HDAC4: variants seen among roughly 807,000 people sequenced by gnomAD.
The protein encoded by HDAC4 is histone deacetylase A.
A neutral mutation model predicts 135.1 loss-of-function variants in HDAC4; 16 were observed. The observed-to-expected ratio is 0.12, with a 90% CI of 0.08 to 0.18. The LOEUF (loss-of-function observed/expected upper bound fraction) is 0.18, where lower values mean the gene tolerates loss of function less well. Among genes scored for constraint, HDAC4 ranks in the 10% least tolerant of loss-of-function variants. The pLI is 1.00. For missense variants in HDAC4, 1,143 were observed against 1,511.8 expected, an observed-to-expected ratio of 0.76 and a Z score of 4.05; for synonymous variants, 685 against 653.4, an observed-to-expected ratio of 1.05 and a Z score of -0.74.
chr2:239,063,437 C>T (rs1459850035), intron 24 of HDAC4, among the ~76,000 whole-genome samples: 4 of 152,166 alleles, frequency 2.6e-5, no homozygotes, highest in African/African-American at 9.7e-5. Flanking sequence ...ATCTCCTGAC[C>T]TCGTGATCCG....
chr2:239,112,197 G>A (rs956458948), intron 13 of HDAC4, among the ~76,000 whole-genome samples: 1 of 152,172 alleles, frequency 6.6e-6, no homozygotes, highest in African/African-American at 2.4e-5. Flanking sequence ...GATATGCGAA[G>A]GCCATGTAGA....
chr2:239,120,630 G>A (rs1238943913), intron 12 of HDAC4, among the ~76,000 whole-genome samples: 1 of 148,814 alleles, frequency 6.7e-6, no homozygotes, highest in Non-Finnish European at 1.5e-5. Flanking sequence ...AGGGAAATAG[G>A]GGGAGGGGTG....
chr2:239,137,471 C>A (rs559786603), intron 9 of HDAC4, among the ~76,000 whole-genome samples: 1 of 151,618 alleles, frequency 6.6e-6, no homozygotes, highest in East Asian at 1.9e-4. Flanking sequence ...GGAGGAGGTG[C>A]CGGCACTCTG....
At chr2:239,249,018 G>A (rs145108300) in intron 2 of HDAC4, among the ~76,000 whole-genome samples, 3 of 152,362 alleles carry the variant, frequency 2.0e-5, no homozygotes, top group Admixed American at 6.5e-5. Context: ...GTGGGATCAC[G>A]TGCTGGAATA....
At chr2:239,265,116 T>C (rs1416738925) in intron 2 of HDAC4, among the ~76,000 whole-genome samples, 1 of 152,118 alleles carries the variant, frequency 6.6e-6, no homozygotes, top group Non-Finnish European at 1.5e-5. Context: ...CCCACCTCCC[T>C]TGAACCACTG....
intron 3 of HDAC4, among the ~76,000 whole-genome samples, chr2:239,227,776 T>A (rs376673758): frequency 2.0e-5 from 3 of 152,170 alleles, no homozygotes; most frequent in Non-Finnish European, 4.4e-5. Context: ...AGAAGGGCCC[T>A]CTGAAGGCAA....
At chr2:239,344,618 T>A (rs1398795784) in intron 2 of HDAC4, among the ~76,000 whole-genome samples, 1 of 152,124 alleles carries the variant, frequency 6.6e-6, no homozygotes, top group African/African-American at 2.4e-5. Context: ...TCCCAGATAA[T>A]GATGGCATGG....
chr2:239,187,614 C>T (rs1373509832), intron 4 of HDAC4, among the ~76,000 whole-genome samples: 1 of 152,188 alleles, frequency 6.6e-6, no homozygotes, highest in African/African-American at 2.4e-5. Flanking sequence ...TGGTCAGGGC[C>T]GTGAGGGAGG....
intron 4 of HDAC4, among the ~76,000 whole-genome samples, chr2:239,186,098 C>T (rs1219419216): frequency 6.6e-6 from 1 of 152,074 alleles, no homozygotes; most frequent in Admixed American, 6.5e-5. Flanking sequence ...CTGGGATCCG[C>T]TTCTTGGTGG....
At chr2:239,247,663 T>C (rs1019867462) in intron 2 of HDAC4, among the ~76,000 whole-genome samples, 5 of 152,142 alleles carry the variant, frequency 3.3e-5, no homozygotes, top group Non-Finnish European at 7.4e-5. Flanking sequence ...TAAAGGTGCT[T>C]GTGGTTAGGT....
At chr2:239,229,462 A>G (rs150493214) in intron 3 of HDAC4, among the ~76,000 whole-genome samples, 2 of 152,350 alleles carry the variant, frequency 1.3e-5, no homozygotes, top group African/African-American at 4.8e-5. Flanking sequence ...AGATTTTTCA[A>G]ATGTTGACGA....
At chr2:239,187,861 G>A (rs10187686) in intron 4 of HDAC4, among the ~76,000 whole-genome samples, 10,735 of 152,242 alleles carry the variant, frequency 0.071, 1,014 homozygotes, top group African/African-American at 0.22. Flanking sequence ...TGTTACACAC[G>A]GCTGCTAGGT....
At position 239,064,694 on chromosome 2, in the gene HDAC4, G is replaced by A. The variant is rs865975681; in HGVS notation, c.3003+2028C>T. On this transcript the variant is annotated intron_variant, in intron 24 of 26. Transcript: ENST00000543185. ...GCAACCTGCTTCCCAGGGACAGACG[G>A]CAGAGGTGGTGGAGGTGGGAACTGG... Among the ~76,000 whole-genome samples the A allele has an allele frequency of 5.9e-5, 9 of 152,368 alleles. No individual in the cohort carries two copies. In the Middle Eastern group the frequency reaches 0.01, roughly 173 times the overall value.
intron 2 of HDAC4, among the ~76,000 whole-genome samples, chr2:239,292,431 A>C (rs566596104): frequency 1.3e-5 from 2 of 152,316 alleles, no homozygotes; most frequent in South Asian, 4.1e-4. Flanking sequence ...GTGGAGGCTG[A>C]GCCCCGCTGT....
At chr2:239,086,001 G>A (rs1272508964) in intron 19 of HDAC4, 11 of 56,990 alleles carry the variant, frequency 1.9e-4, no homozygotes, top group Non-Finnish European at 3.6e-4. Context: ...GCTCTAACAC[G>A]CGGATCTGAC....
At chr2:239,298,251 G>C (rs1575643324) in intron 2 of HDAC4, 4 of 1,287,088 alleles carry the variant, frequency 3.1e-6, no homozygotes, top group East Asian at 1.1e-4. Context: ...TCAAATCCAG[G>C]CTTGACGACA....
intron 7 of HDAC4, among the ~76,000 whole-genome samples, chr2:239,149,725 G>A (rs1452286346): frequency 6.6e-6 from 1 of 152,196 alleles, no homozygotes; most frequent in East Asian, 1.9e-4. Context: ...TGGGGAGGGG[G>A]CAAGCACACA....
At chr2:239,342,040 G>T (rs893084845) in intron 2 of HDAC4, among the ~76,000 whole-genome samples, 1 of 152,124 alleles carries the variant, frequency 6.6e-6, no homozygotes. Flanking sequence ...CACCAAGTCC[G>T]CTGGCACCTT....
At chr2:239,280,174 GA>G (rs930702385) in intron 2 of HDAC4, among the ~76,000 whole-genome samples, 4 of 150,076 alleles carry the variant, frequency 2.7e-5, no homozygotes, top group African/African-American at 4.9e-5. Flanking sequence ...GTTGGTCAAA[GA>G]AAAAAAAAGG....
Sources: allele counts gnomAD v4.1 joint callset (sites outside exome capture counted in the v4.1 genomes callset), GRCh38; gene constraint gnomAD v4.1.1; transcripts MANE v1.5; gene names NCBI Gene and HGNC (gene_info 2026-07-23, HGNC 2026-07-21).